Variants in MGST2 observed in about 807,000 individuals in gnomAD.
MGST2 encodes glutathione peroxidase MGST2.
MGST2 carries 9 observed loss-of-function variants against 16.6 expected under a neutral mutation model. The observed-to-expected ratio is 0.54, with a 90% CI of 0.33 to 0.95. The LOEUF is 0.95. MGST2 is among the 40% of genes least tolerant of loss of function. The pLI, the probability that MGST2 is intolerant of heterozygous loss-of-function variation, is 0.03. For missense variants in MGST2, 159 were observed against 175.1 expected, an observed-to-expected ratio of 0.91 and a Z score of 0.52; for synonymous variants, 79 against 68.0, an observed-to-expected ratio of 1.16 and a Z score of -0.79.
At chr4:139,709,071 A>AATTTTTTTTTTTTTTTTTTTTTTTTTTT (rs755140695), downstream of MGST2, among the ~76,000 whole-genome samples, 1 of 81,970 alleles carries the variant, frequency 1.2e-5, no homozygotes, top group Non-Finnish European at 2.2e-5. Context: ...AATGGAAAAA[A>AATTTTTTTTTTTTTTTTTTTTTTTTTTT]TTTTTTTTTT....
downstream of MGST2, among the ~76,000 whole-genome samples, chr4:139,742,587 G>A (rs1415030420): frequency 6.6e-6 from 1 of 152,178 alleles, no homozygotes; most frequent in Non-Finnish European, 1.5e-5. Flanking sequence ...AACTTTAGGT[G>A]GGGCCTATAT....
intron 5 of MGST2, among the ~76,000 whole-genome samples, chr4:139,725,113 A>C (rs183292181): frequency 1.3e-4 from 20 of 152,266 alleles, no homozygotes; most frequent in Non-Finnish European, 2.5e-4. Flanking sequence ...GGCCTTCCAC[A>C]TTTATAAAGG....
chr4:139,666,044 G>T lies in MGST2; in HGVS notation c.25G>T (p.Ala9Ser). 1 of 1,614,062 alleles carries T rather than the reference G, an allele frequency of 6.2e-7. No individual in the cohort carries two copies. The highest frequency in any genetic ancestry group is 1.1e-5 in the South Asian group (1 of 91,078). MAGNSILL[A>S]AVSILSACQQ... Reference sequence around the variant, plus strand: ...GATGGCCGGGAACTCGATCCTGCTGGCTGCTGTCTCTATTCTCTCGGCCTG... The same window carrying T: ...GATGGCCGGGAACTCGATCCTGCTGTCTGCTGTCTCTATTCTCTCGGCCTG... Residue 9 changes from alanine to serine, a missense_variant, in exon 1 of 5, where the codon GCT (alanine) becomes TCT (serine). Physicochemically the swap from Ala to Ser is moderately conservative, Grantham distance 99. Transcript: ENST00000265498.
intron 2 of MGST2, among the ~76,000 whole-genome samples, chr4:139,690,324 T>C (rs541360363): frequency 6.6e-6 from 1 of 152,184 alleles, no homozygotes; most frequent in African/African-American, 2.4e-5. Flanking sequence ...TATTTTTTTA[T>C]AGAGATGAGG....
intron 2 of MGST2, among the ~76,000 whole-genome samples, chr4:139,689,834 G>A (rs1726467472): frequency 6.6e-6 from 1 of 152,116 alleles, no homozygotes; most frequent in Admixed American, 6.6e-5. Context: ...GTGTTCGTTG[G>A]ACACGGTCAA....
chr4:139,731,723 C>T (rs1177803307), intron 5 of MGST2, among the ~76,000 whole-genome samples: 3 of 152,146 alleles, frequency 2.0e-5, no homozygotes, highest in Non-Finnish European at 4.4e-5. Context: ...ATGATGGCAA[C>T]TTTTAAGGAC....
At chr4:139,725,699 T>C in intron 5 of MGST2, 1 of 1,554,414 alleles carries the variant, frequency 6.4e-7, no homozygotes, top group Non-Finnish European at 8.9e-7. Context: ...ACACATTCAC[T>C]TACGCTTCAC....
intron 5 of MGST2, among the ~76,000 whole-genome samples, chr4:139,726,659 T>G (rs1728484887): frequency 6.6e-6 from 1 of 152,212 alleles, no homozygotes; most frequent in Non-Finnish European, 1.5e-5. Context: ...GAAGCCACAC[T>G]GCCTGTAAAA....
chr4:139,678,833 C>T, intron 2 of MGST2, 191 bp downstream of exon 2: 1 of 630,150 alleles, frequency 1.6e-6, no homozygotes, highest in Non-Finnish European at 2.9e-6. Flanking sequence ...GAAGTCTCTG[C>T]CCACATCTAT....
chr4:139,690,699 TTGAAGGAAC>T (rs1726527037), intron 2 of MGST2, among the ~76,000 whole-genome samples: 1 of 152,164 alleles, frequency 6.6e-6, no homozygotes, highest in African/African-American at 2.4e-5. Context: ...GAGACTAGTG[TTGAAGGAAC>T]TGCCACATTT....
chr4:139,704,171 T>C lies in MGST2; in HGVS notation c.*23T>C. The C allele has an allele frequency of 6.2e-7, 1 of 1,613,084 alleles. No homozygotes were observed. ...TAACTTTTTCTCTTCCCTTTAATAC[T>C]TGCAGAAGCTGTTCCCACCATGAAG... On this transcript the variant is annotated 3_prime_UTR_variant, in exon 5 of 5. Coordinates refer to ENST00000265498, the MANE Select transcript of MGST2 (RefSeq NM_002413.5).
At position 139,732,290 on chromosome 4, in the gene MGST2, T is replaced by G. The variant is rs1728755266; in HGVS notation, c.*49-7922T>G. Among the ~76,000 whole-genome samples the G allele has an allele frequency of 2.0e-5, 3 of 152,226 alleles. No homozygotes were observed. In the South Asian group the frequency reaches 6.2e-4, roughly 32 times the overall value. Reference sequence around the variant, plus strand: ...CTCTCCTAGAGAGACCGTCCTGGATTTGATTCCCTATGGCTTGGGCTTGTG... The same window carrying G: ...CTCTCCTAGAGAGACCGTCCTGGATGTGATTCCCTATGGCTTGGGCTTGTG... On this transcript the variant is annotated intron_variant, in intron 5 of 5. Coordinates refer to the MGST2 transcript ENST00000616265.
At chr4:139,694,690 T>C (rs573666496) in intron 2 of MGST2, among the ~76,000 whole-genome samples, 2 of 152,330 alleles carry the variant, frequency 1.3e-5, no homozygotes, top group East Asian at 3.9e-4. Context: ...TTCTCTGCAA[T>C]GCATGTCAGT....
At chr4:139,730,691 A>C in intron 5 of MGST2, 1 of 1,597,292 alleles carries the variant, frequency 6.3e-7, no homozygotes, top group Non-Finnish European at 8.6e-7. Flanking sequence ...AGAGAGGGAG[A>C]TGCAGGGATT....
the MGST2 span, among the ~76,000 whole-genome samples, chr4:139,747,238 A>G: frequency 6.6e-6 from 1 of 152,196 alleles, no homozygotes; most frequent in East Asian, 1.9e-4. Flanking sequence ...TCACTGAGGA[A>G]GGAAATGTAA....
At chr4:139,729,772 G>A (rs1728626777) in intron 5 of MGST2, among the ~76,000 whole-genome samples, 1 of 152,206 alleles carries the variant, frequency 6.6e-6, no homozygotes, top group Admixed American at 6.5e-5. Context: ...TATAGGGCGA[G>A]GGTGGACAAA....
At chr4:139,685,924 A>G (rs1422076408) in intron 2 of MGST2, among the ~76,000 whole-genome samples, 1 of 152,036 alleles carries the variant, frequency 6.6e-6, no homozygotes, top group Non-Finnish European at 1.5e-5. Context: ...TTGGCCTCCC[A>G]AAGTGCTGGG....
In MGST2 at chr4:139,679,846, C is replaced by T. The variant is rs8192067; in HGVS notation, c.158+1204C>T. On this transcript the variant is annotated intron_variant, in intron 2 of 4. Coordinates refer to ENST00000265498, the MANE Select transcript of MGST2 (RefSeq NM_002413.5). The stretch of plus-strand genomic sequence containing the variant: ...TATCTTTGAATCCTTATGGTTAAGT[C>T]AAGTGGAAAGTATTGGTTTGGAGCC... 2.2e-3 allele frequency among the ~76,000 whole-genome samples: 333 copies of T among 152,122 alleles called. 7 individuals carry two copies. In the South Asian group the frequency reaches 0.022, roughly 10 times the overall value.
At chr4:139,706,851 A>G (rs1378084051), downstream of MGST2, among the ~76,000 whole-genome samples, 2 of 152,182 alleles carry the variant, frequency 1.3e-5, no homozygotes, top group Non-Finnish European at 2.9e-5. Context: ...AGATTTGGCT[A>G]CAGAGAGCAA....
Sources: gnomAD v4.1 joint callset for allele counts (sites outside exome capture counted in the v4.1 genomes callset) on GRCh38, gnomAD v4.1.1 for gene constraint, MANE v1.5 for transcripts, NCBI Gene and HGNC (gene_info 2026-07-23, HGNC 2026-07-21) for gene names.